CSF2RA: variants seen among roughly 807,000 people sequenced by gnomAD.
CSF2RA encodes the protein colony stimulating factor 2 receptor subunit alpha, also known as granulocyte-macrophage colony-stimulating factor receptor subunit alpha.
CSF2RA carries 42 observed loss-of-function variants against 51.6 expected under a neutral mutation model. The ratio of observed to expected loss-of-function variants is 0.81; its 90% confidence interval spans 0.64 to 1.05. The LOEUF (loss-of-function observed/expected upper bound fraction) is 1.05. CSF2RA is among the 50% of genes least tolerant of loss of function. The probability of loss-of-function intolerance (pLI) is 0.00; values close to 1 mark genes in which losing one functional copy is unlikely to be tolerated. For missense variants in CSF2RA, 530 were observed against 501.1 expected, an observed-to-expected ratio of 1.06 and a Z score of -0.55; for synonymous variants, 222 against 193.0, an observed-to-expected ratio of 1.15 and a Z score of -1.24.
At chrX:1,275,681 C>T (rs1308766543) in intron 2 of CSF2RA, among the ~76,000 whole-genome samples, 28 of 151,714 alleles carry the variant, frequency 1.8e-4, no homozygotes, top group African/African-American at 6.3e-4. Flanking sequence ...GCCTCAGCCT[C>T]CCGAGTAGCT....
At chrX:1,275,985 G>A (rs2089143480) in intron 2 of CSF2RA, among the ~76,000 whole-genome samples, 1 of 150,954 alleles carries the variant, frequency 6.6e-6, no homozygotes. Context: ...AAGCCACAGC[G>A]TCCAGCTATT....
intron 4 of CSF2RA, among the ~76,000 whole-genome samples, chrX:1,287,591 C>T (rs758396420): frequency 1.4e-5 from 2 of 143,672 alleles, no homozygotes; most frequent in Non-Finnish European, 3.0e-5. Flanking sequence ...TTACAGGTGC[C>T]CACCACCACA....
At chrX:1,320,416 A>G in the CSF2RA span, among the ~76,000 whole-genome samples, 2 of 152,066 alleles carry the variant, frequency 1.3e-5, no homozygotes, top group African/African-American at 4.8e-5. Context: ...TTTTAGTCAG[A>G]AAAGGGAAGC....
intron 2 of CSF2RA, among the ~76,000 whole-genome samples, chrX:1,280,865 CCTCCTCCTTCTCCTG>C (rs2089841210): frequency 1.4e-5 from 2 of 141,012 alleles, no homozygotes; most frequent in East Asian, 2.2e-4. Flanking sequence ...TCCTCCTCCT[CCTCCTCCTTCTCCTG>C]CTCCTTCTCC....
the CSF2RA span, among the ~76,000 whole-genome samples, chrX:1,322,853 G>A: frequency 6.6e-6 from 1 of 152,024 alleles, no homozygotes; most frequent in East Asian, 1.9e-4. Flanking sequence ...AGATTGGCCG[G>A]GCGCGGTGGC....
the CSF2RA span, among the ~76,000 whole-genome samples, chrX:1,317,189 C>T: frequency 7.3e-5 from 11 of 149,854 alleles, no homozygotes; most frequent in East Asian, 4.0e-4. Flanking sequence ...ACCTTATGAT[C>T]TGCCTGCCTC....
intron 12 of CSF2RA, chrX:1,305,897 G>A (rs1332049980): frequency 2.3e-5 from 23 of 1,011,282 alleles, no homozygotes; most frequent in Non-Finnish European, 3.3e-5. Context: ...CCTGGCCAAC[G>A]TGGTGAAACC....
intron 7 of CSF2RA, among the ~76,000 whole-genome samples, chrX:1,290,881 CTG>C (rs1372496462): frequency 6.6e-6 from 1 of 152,034 alleles, no homozygotes; most frequent in African/African-American, 2.4e-5. Flanking sequence ...AAACAAAAAT[CTG>C]TGTAACTTTG....
chrX:1,292,294 C>T (rs1487337248), intron 7 of CSF2RA, among the ~76,000 whole-genome samples: 2 of 152,140 alleles, frequency 1.3e-5, no homozygotes, highest in Admixed American at 6.5e-5. Context: ...AGTGTGAAGG[C>T]GACCAGCCCT....
At chrX:1,277,450 G>C (rs750403155) in intron 2 of CSF2RA, among the ~76,000 whole-genome samples, 109 of 150,430 alleles carry the variant, frequency 7.2e-4, no homozygotes, top group African/African-American at 2.6e-3. Flanking sequence ...ACAAAAATTA[G>C]CCAGGTGTGG....
At chrX:1,273,765 G>T (rs1281122892) in intron 1 of CSF2RA, among the ~76,000 whole-genome samples, 85 of 25,646 alleles carry the variant, frequency 3.3e-3, no homozygotes, top group African/African-American at 8.4e-3. Context: ...TTTTTTTTTT[G>T]TATTTTTTTT....
At chrX:1,314,532 TGCAC>T (rs2084407991), downstream of CSF2RA, among the ~76,000 whole-genome samples, 2 of 122,814 alleles carry the variant, frequency 1.6e-5, no homozygotes, top group African/African-American at 6.8e-5. Context: ...CCAATCCCAC[TGCAC>T]CTGCCCAATC....
At chrX:1,290,644 C>A in intron 7 of CSF2RA, 135 bp downstream of exon 7, 1 of 882,032 alleles carries the variant, frequency 1.1e-6, no homozygotes, top group Non-Finnish European at 1.9e-6. Flanking sequence ...GCGGGCCGAT[C>A]ACCTGAGATC....
intron 4 of CSF2RA, among the ~76,000 whole-genome samples, chrX:1,287,365 G>C (rs752227724): frequency 3.3e-5 from 5 of 149,990 alleles, no homozygotes; most frequent in Admixed American, 1.3e-4. Context: ...TGTTGGCCAG[G>C]CTGGTCTCCA....
Position 1,268,852 on chromosome X carries a change from G to A in CSF2RA, c.-118G>A, listed in dbSNP as rs1395722632. Reference sequence around the variant, plus strand: ...AGTCTCCGAGAGAAGAAAAGCAGGTGGAAGGAGAGGAAGCGGATGCCGTGG... The same window carrying A: ...AGTCTCCGAGAGAAGAAAAGCAGGTAGAAGGAGAGGAAGCGGATGCCGTGG... On this transcript the variant is annotated 5_prime_UTR_variant, in exon 1 of 13. Transcript: ENST00000381529. 2.2e-6 allele frequency: 1 copy of A among 454,110 alleles called. No homozygotes were observed. The highest frequency in any genetic ancestry group is 6.9e-4 in the Middle Eastern group (1 of 1,446). The allele number at this position is 454,110 out of a possible 1,614,324, so 28.1% of individuals were successfully genotyped here. A position where few individuals can be genotyped will look rare whatever the true frequency, so the allele number is the denominator to read the frequency against.
intron 7 of CSF2RA, among the ~76,000 whole-genome samples, chrX:1,292,143 TCCACC>T (rs2091467332): frequency 6.8e-6 from 1 of 146,288 alleles, no homozygotes; most frequent in South Asian, 2.2e-4. Context: ...CTACTCCACG[TCCACC>T]TGGACCCAGT....
At chrX:1,320,435 G>C in the CSF2RA span, among the ~76,000 whole-genome samples, 1 of 151,076 alleles carries the variant, frequency 6.6e-6, no homozygotes, top group Non-Finnish European at 1.5e-5. Flanking sequence ...GCTCCAAGAA[G>C]TTTCTTTCTA....
At chrX:1,312,080 T>C (rs1442067640), downstream of CSF2RA, among the ~76,000 whole-genome samples, 1 of 152,072 alleles carries the variant, frequency 6.6e-6, no homozygotes, top group Non-Finnish European at 1.5e-5. Context: ...CCTCAGCCTC[T>C]CGAGTAGCTG....
rs147667495 is a variant in CSF2RA, at chrX:1,285,660, G to A, written c.77-118G>A. On this transcript the variant is annotated intron_variant, in intron 3 of 12. Transcript: ENST00000381529. Reference sequence around the variant, plus strand: ...CAGCTTGCAGTGACCTGAGATCACAGCACTGCACTCCAGCCTGGGAGACAA... The same window carrying A: ...CAGCTTGCAGTGACCTGAGATCACAACACTGCACTCCAGCCTGGGAGACAA... 3 of 1,176,000 alleles carry A rather than the reference G, an allele frequency of 2.6e-6. No individual in the cohort carries two copies. In the Admixed American group the frequency reaches 7.7e-5, roughly 30 times the overall value. 72.8% of individuals were successfully genotyped at this position (1,176,000 alleles called of 1,614,324 possible). A position where few individuals can be genotyped will look rare whatever the true frequency, so the allele number is the denominator to read the frequency against.
Sources: allele counts gnomAD v4.1 joint callset (sites outside exome capture counted in the v4.1 genomes callset), GRCh38; gene constraint gnomAD v4.1.1; transcripts MANE v1.5; gene names NCBI Gene and HGNC (gene_info 2026-07-23, HGNC 2026-07-21).